The following ABCB10 variants were observed in gnomAD, a reference collection of about 807,000 sequenced individuals.
The protein encoded by ABCB10 is ATP binding cassette subfamily B member 10.
ABCB10 carries 54 observed loss-of-function variants against 65.4 expected under a neutral mutation model. The observed-to-expected ratio is 0.83, with a 90% CI of 0.66 to 1.04. ABCB10 has a LOEUF of 1.04. Ranked by LOEUF, ABCB10 falls within the 50% of genes least tolerant of loss-of-function variation. The pLI, the probability that ABCB10 is intolerant of heterozygous loss-of-function variation, is 0.00. For missense variants in ABCB10, 846 were observed against 976.6 expected, an observed-to-expected ratio of 0.87 and a Z score of 1.78; for synonymous variants, 418 against 406.5, an observed-to-expected ratio of 1.03 and a Z score of -0.34.
intron 5 of ABCB10, among the ~76,000 whole-genome samples, chr1:229,540,127 G>A (rs1662809271): frequency 6.6e-6 from 1 of 152,204 alleles, no homozygotes; most frequent in South Asian, 2.1e-4. Context: ...TCTGGAATTT[G>A]CCCTCATGGT....
intron 1 of ABCB10, among the ~76,000 whole-genome samples, chr1:229,555,466 AAC>A (rs756618684): frequency 2.0e-5 from 3 of 152,386 alleles, no homozygotes; most frequent in Non-Finnish European, 4.4e-5. Context: ...AGAGGAATGT[AAC>A]ACAGTTATGC....
chr1:229,549,076 A>G (rs1663039155), intron 2 of ABCB10, among the ~76,000 whole-genome samples, 158 bp downstream of exon 2: 1 of 152,224 alleles, frequency 6.6e-6, no homozygotes, highest in Admixed American at 6.5e-5. Context: ...TAACTCCAAC[A>G]TCTGGGCAGT....
chr1:229,533,978 A>G, intron 6 of ABCB10, among the ~76,000 whole-genome samples: 1 of 152,248 alleles, frequency 6.6e-6, no homozygotes, highest in Admixed American at 6.5e-5. Context: ...ATGTGAAAAG[A>G]AGAGGACCAG....
chr1:229,543,075 G>A (rs1013241436), intron 3 of ABCB10, among the ~76,000 whole-genome samples: 17 of 146,862 alleles, frequency 1.2e-4, no homozygotes, highest in African/African-American at 3.8e-4. Context: ...AGGTTGCAGT[G>A]AGCCAAGATT....
intron 1 of ABCB10, among the ~76,000 whole-genome samples, chr1:229,555,993 AAAAT>A (rs1476269641): frequency 2.0e-5 from 3 of 152,026 alleles, no homozygotes; most frequent in Non-Finnish European, 2.9e-5. Flanking sequence ...AAAAAAAAAA[AAAAT>A]AGTGTGCCAA....
chr1:229,556,328 C>T (rs1157358561), intron 1 of ABCB10, among the ~76,000 whole-genome samples: 2 of 150,914 alleles, frequency 1.3e-5, no homozygotes, highest in African/African-American at 4.9e-5. Flanking sequence ...GGTGAGATCA[C>T]GCCATTGCAC....
Position 229,518,055 on chromosome 1 carries a change from G to A in ABCB10, c.*124C>T, listed in dbSNP as rs1662215133. On this transcript the variant is annotated 3_prime_UTR_variant, in exon 13 of 13. Coordinates refer to ENST00000344517, the MANE Select transcript of ABCB10 (RefSeq NM_012089.3). ...TTCAAAACAATCTTTTACACACTTT[G>A]GAAAAAAATAGGTATTTTTCAAATA... 1.4e-6 allele frequency: 1 copy of A among 698,644 alleles called. No homozygotes were observed. The highest frequency in any genetic ancestry group is 2.4e-6 in the Non-Finnish European group (1 of 415,362). The allele number at this position is 698,644 out of a possible 1,614,324, so 43.3% of individuals were successfully genotyped here.
rs753019825 is a variant in ABCB10 at position 229,547,618 on chromosome 1, T to C, written c.802A>G (p.Thr268Ala). Reference protein sequence around the residue: ...QEVAFFDKTRTGELINRLSSD... With the variant: ...QEVAFFDKTRAGELINRLSSD... ...GAGAGGCGGTTAATCAATTCTCCTGTGCGAGTCTTGTCAAAGAAAGCAACC... is the reference window on the plus strand; with the variant it reads ...GAGAGGCGGTTAATCAATTCTCCTGCGCGAGTCTTGTCAAAGAAAGCAACC... Residue 268 changes from threonine (T) to alanine (A), a missense_variant, in exon 3 of 13, where the codon ACA (threonine) becomes GCA (alanine). Around this residue, in one of 2 missense-constraint regions of ABCB10, gnomAD observed 632 missense variants for 803.2 expected, o/e 0.79. Transcript: ENST00000344517. 8.1e-6 allele frequency: 13 copies of C among 1,614,114 alleles called. No homozygotes were observed. Among genetic ancestry groups the C allele is most frequent in the Admixed American group, 1.7e-5 (1 of 60,008 alleles).
chr1:229,531,855 A>C (rs1643961220), intron 6 of ABCB10, 124 bp from the exon 7 acceptor site: 1 of 689,862 alleles, frequency 1.4e-6, no homozygotes, highest in Admixed American at 3.7e-5. Flanking sequence ...ATTTTCAAAA[A>C]ACAACTTGAG....
chr1:229,532,943 GGTTAAT>G lies in ABCB10; in HGVS notation c.1340-1218_1340-1213del, dbSNP rs530421974. On this transcript the variant is annotated intron_variant, in intron 6 of 12. Transcript: ENST00000344517. ...CAGTAGTAAAAACTGAAATAAATTT[GGTTAAT>G]GTTAAACATTCCAGCAATCTCTTTA... 2.0e-5 allele frequency among the ~76,000 whole-genome samples: 3 copies of G among 152,206 alleles called. No homozygotes were observed. The South Asian group carries it at 6.2e-4, about 32-fold the overall frequency.
intron 1 of ABCB10, among the ~76,000 whole-genome samples, chr1:229,555,019 T>C (rs1435399548): frequency 6.6e-6 from 1 of 152,114 alleles, no homozygotes; most frequent in African/African-American, 2.4e-5. Flanking sequence ...GTAACTGCAG[T>C]GAGAGGAGCC....
At chr1:229,555,260 A>T (rs1663220120) in intron 1 of ABCB10, among the ~76,000 whole-genome samples, 1 of 152,230 alleles carries the variant, frequency 6.6e-6, no homozygotes, top group Non-Finnish European at 1.5e-5. Flanking sequence ...TCTGCCAGGC[A>T]CAGCCAGACG....
At chr1:229,530,441 A>G in intron 7 of ABCB10, 33 bp from the exon 8 acceptor site, 1 of 1,609,060 alleles carries the variant, frequency 6.2e-7, no homozygotes, top group African/African-American at 1.3e-5. Flanking sequence ...AATTACTTAC[A>G]GCAAAAAATT....
At chr1:229,536,572 C>T (rs1662726906) in intron 6 of ABCB10, among the ~76,000 whole-genome samples, 1 of 152,106 alleles carries the variant, frequency 6.6e-6, no homozygotes, top group African/African-American at 2.4e-5. Context: ...TAGTTAAGAG[C>T]TTTGACTCTG....
At chr1:229,541,556 A>G (rs577928938) in intron 4 of ABCB10, among the ~76,000 whole-genome samples, 1 of 152,336 alleles carries the variant, frequency 6.6e-6, no homozygotes, top group Admixed American at 6.5e-5. Flanking sequence ...ATAACGTTGC[A>G]CAGCACTGCA....
At chr1:229,523,273 C>T (rs1008122515) in intron 10 of ABCB10, among the ~76,000 whole-genome samples, 3 of 152,208 alleles carry the variant, frequency 2.0e-5, no homozygotes, top group Non-Finnish European at 2.9e-5. Flanking sequence ...CCTCCAGGAA[C>T]GCTACTCCTA....
chr1:229,555,764 T>C (rs1243223748), intron 1 of ABCB10, among the ~76,000 whole-genome samples: 1 of 152,242 alleles, frequency 6.6e-6, no homozygotes, highest in Non-Finnish European at 1.5e-5. Context: ...ACCTCCAGCA[T>C]TTCAAAGAGA....
chr1:229,553,166 A>G (rs762456316), intron 1 of ABCB10, among the ~76,000 whole-genome samples: 6 of 151,852 alleles, frequency 4.0e-5, no homozygotes, highest in Middle Eastern at 3.2e-3. Context: ...TGCCCAGTGC[A>G]ATGGCGCAAT....
At chr1:229,553,283 T>A (rs1329410938) in intron 1 of ABCB10, among the ~76,000 whole-genome samples, 1 of 151,974 alleles carries the variant, frequency 6.6e-6, no homozygotes, top group East Asian at 1.9e-4. Context: ...GCTAATTTTG[T>A]ATTTTTAGTA....
Sources: allele counts gnomAD v4.1 joint callset (sites outside exome capture counted in the v4.1 genomes callset), GRCh38; gene constraint gnomAD v4.1.1; regional missense constraint gnomAD v4.1.1; transcripts MANE v1.5; gene names NCBI Gene and HGNC (gene_info 2026-07-23, HGNC 2026-07-21).